HNF4A: variants seen among roughly 807,000 people sequenced by gnomAD.
The protein encoded by HNF4A is hepatocyte nuclear factor 4 alpha, also known as hepatocyte nuclear factor 4-alpha.
Under a neutral mutation model 52.4 loss-of-function variants are expected in HNF4A, and 15 were observed. That is an observed-to-expected ratio of 0.29 (90% CI 0.19 to 0.44). The LOEUF is 0.44. Among genes scored for constraint, HNF4A ranks in the 20% least tolerant of loss-of-function variants. HNF4A has a pLI of 1.00. For synonymous variants in HNF4A, 280 were observed against 264.4 expected (o/e 1.06, Z -0.57); for missense variants, 479 against 647.2 (o/e 0.74, Z 2.82).
chr20:44,383,525 A>G (rs2063180923), intron 1 of HNF4A, among the ~76,000 whole-genome samples: 2 of 150,658 alleles, frequency 1.3e-5, no homozygotes, highest in Non-Finnish European at 3.0e-5. Flanking sequence ...GATCCAAAAG[A>G]TTGAGAAGTA....
rs2063494939 is a variant in HNF4A at position 44,406,040 on chromosome 20, C to T, written c.116-18C>T. ...TTCTGTTCTTCCTGAAGCCTCACTC[C>T]CTTCTCTCCTGGCGCAGACACGTCC... On this transcript the variant is annotated intron_variant, in intron 1 of 9. Transcript: ENST00000316099. 1 of 1,610,556 alleles carries T rather than the reference C, an allele frequency of 6.2e-7. No individual in the cohort carries two copies. The highest frequency in any genetic ancestry group is 1.3e-5 in the African/African-American group (1 of 74,846).
chr20:44,358,837 C>T (rs191749933), intron 1 of HNF4A, among the ~76,000 whole-genome samples: 270 of 152,184 alleles, frequency 1.8e-3, no homozygotes, highest in African/African-American at 5.9e-3. Flanking sequence ...GTCCTGGGTC[C>T]AGAGCAAGCA....
intron 1 of HNF4A, among the ~76,000 whole-genome samples, chr20:44,369,228 A>G (rs2063004740): frequency 6.9e-6 from 1 of 144,102 alleles, no homozygotes; most frequent in Non-Finnish European, 1.5e-5. Flanking sequence ...CAGCCTGGGC[A>G]ACAAGAGCAA....
intron 1 of HNF4A, among the ~76,000 whole-genome samples, chr20:44,367,134 A>T (rs1426045679): frequency 6.6e-6 from 1 of 152,122 alleles, no homozygotes; most frequent in East Asian, 1.9e-4. Context: ...TCAGGAGTTC[A>T]AGACCAGCCT....
At chr20:44,420,580 G>A (rs947550711) in intron 7 of HNF4A, among the ~76,000 whole-genome samples, 4 of 152,114 alleles carry the variant, frequency 2.6e-5, no homozygotes, top group African/African-American at 7.2e-5. Flanking sequence ...AGGAGTTCGA[G>A]GCCAGCCTGG....
chr20:44,414,495 T>A lies in HNF4A; in HGVS notation c.493-12T>A. On this transcript the variant is annotated splice_polypyrimidine_tract_variant and intron_variant, in intron 4 of 9. Transcript: ENST00000316099. The stretch of plus-strand genomic sequence containing the variant: ...GACATCTCCAGCATTTTCTTCCCTG[T>A]ATCTCTCGAAGATCACCTCCCCCGT... 4 of 1,614,216 alleles carry A rather than the reference T, an allele frequency of 2.5e-6. No individual in the cohort carries two copies. The highest frequency in any genetic ancestry group is 1.6e-4 in the Middle Eastern group (1 of 6,062).
At chr20:44,376,639 C>T (rs1321735020) in intron 1 of HNF4A, among the ~76,000 whole-genome samples, 1 of 152,050 alleles carries the variant, frequency 6.6e-6, no homozygotes, top group Non-Finnish European at 1.5e-5. Flanking sequence ...ATCCCATCAC[C>T]CTGCCACCCT....
In HNF4A at chr20:44,430,596, TTGAGGAAGAATGGTG is replaced by T. The variant is rs2063866833; in HGVS notation, c.*934_*948del. ...AGTGGTAGTAAGAATCTAGCAAGAA[TTGAGGAAGAATGGTG>T]TGGGAGAGGGATGATGAAGAGAGAG... On this transcript the variant is annotated 3_prime_UTR_variant, in exon 10 of 10. Transcript: ENST00000316099. 6.9e-6 allele frequency: 1 copy of T among 145,704 alleles called. No individual in the cohort carries two copies. The highest frequency in any genetic ancestry group is 1.5e-5 in the Non-Finnish European group (1 of 65,984). 9.0% of individuals were successfully genotyped at this position (145,704 alleles called of 1,614,324 possible). A position where few individuals can be genotyped will look rare whatever the true frequency, so the allele number is the denominator to read the frequency against.
chr20:44,418,685 A>G (rs2063701150), intron 6 of HNF4A, among the ~76,000 whole-genome samples, 173 bp downstream of exon 6: 1 of 152,216 alleles, frequency 6.6e-6, no homozygotes, highest in Non-Finnish European at 1.5e-5. Context: ...TCAACTGGGT[A>G]CCCCACTCAG....
At chr20:44,368,158 A>ATTTTTTTTTTTTTTTTT (rs1477714904) in intron 1 of HNF4A, among the ~76,000 whole-genome samples, 1 of 13,218 alleles carries the variant, frequency 7.6e-5, no homozygotes, top group Non-Finnish European at 1.3e-4. Flanking sequence ...ATATATATAT[A>ATTTTTTTTTTTTTTTTT]TATTTTTTTT....
intron 7 of HNF4A, among the ~76,000 whole-genome samples, chr20:44,423,192 T>C (rs2063770530): frequency 6.6e-6 from 1 of 152,054 alleles, no homozygotes; most frequent in African/African-American, 2.4e-5. Flanking sequence ...GGTGTGTGCC[T>C]GTAATCCCAG....
chr20:44,376,346 T>C (rs1037293748), intron 1 of HNF4A, among the ~76,000 whole-genome samples: 19 of 152,228 alleles, frequency 1.2e-4, no homozygotes, highest in Admixed American at 1.0e-3. Flanking sequence ...ATTGTGCAAA[T>C]TGTATGATTT....
intron 1 of HNF4A, among the ~76,000 whole-genome samples, chr20:44,374,509 G>T (rs1352097551): frequency 3.3e-5 from 5 of 152,100 alleles, no homozygotes; most frequent in African/African-American, 9.7e-5. Context: ...TGTCACCCAG[G>T]CTGGAGTGCA....
chr20:44,422,097 A>T (rs946982558), intron 7 of HNF4A, among the ~76,000 whole-genome samples: 2 of 152,066 alleles, frequency 1.3e-5, no homozygotes, highest in African/African-American at 4.8e-5. Context: ...ACAACCGGAA[A>T]ATGGCAGAGC....
intron 1 of HNF4A, among the ~76,000 whole-genome samples, chr20:44,365,423 G>C (rs1306069700): frequency 6.6e-6 from 1 of 151,920 alleles, no homozygotes; most frequent in Non-Finnish European, 1.5e-5. Flanking sequence ...TCCTGCATCA[G>C]CCTCCCAAAA....
chr20:44,425,526 G>C (rs751876072), intron 8 of HNF4A, among the ~76,000 whole-genome samples: 1 of 152,168 alleles, frequency 6.6e-6, no homozygotes, highest in African/African-American at 2.4e-5. Context: ...TTTTTGCTTT[G>C]AGTAGCAGAA....
chr20:44,401,500 A>C, intron 1 of HNF4A: 1 of 1,614,138 alleles, frequency 6.2e-7, no homozygotes, highest in Non-Finnish European at 8.5e-7. Context: ...AGGTGGGGGC[A>C]GATGTGCCCA....
At chr20:44,392,527 A>G (rs905735792) in intron 1 of HNF4A, among the ~76,000 whole-genome samples, 1 of 152,154 alleles carries the variant, frequency 6.6e-6, no homozygotes, top group Non-Finnish European at 1.5e-5. Flanking sequence ...TTTAAAAAAT[A>G]GACATAGGGT....
chr20:44,427,421 A>G (rs1163050659), intron 8 of HNF4A, among the ~76,000 whole-genome samples: 3 of 152,188 alleles, frequency 2.0e-5, no homozygotes, highest in Non-Finnish European at 4.4e-5. Context: ...GAAACATGGG[A>G]AGTGCTATAC....
Sources: gnomAD v4.1 joint callset for allele counts (sites outside exome capture counted in the v4.1 genomes callset) on GRCh38, gnomAD v4.1.1 for gene constraint, MANE v1.5 for transcripts, NCBI Gene and HGNC (gene_info 2026-07-23, HGNC 2026-07-21) for gene names.